GNB5: variants seen among roughly 807,000 people sequenced by gnomAD.
GNB5 encodes G protein subunit beta 5, also known as guanine nucleotide-binding protein subunit beta-5.
In GNB5, 37 loss-of-function variants were observed where a neutral mutation model predicts 55.3. The observed-to-expected ratio is 0.67, with a 90% CI of 0.51 to 0.88. The LOEUF (loss-of-function observed/expected upper bound fraction) is 0.88. Among genes scored for constraint, GNB5 ranks in the 40% least tolerant of loss-of-function variants. The pLI, the probability that GNB5 is intolerant of heterozygous loss-of-function variation, is 0.00. For missense variants in GNB5, 476 were observed against 515.3 expected, an observed-to-expected ratio of 0.92 and a Z score of 0.74; for synonymous variants, 219 against 198.5, an observed-to-expected ratio of 1.10 and a Z score of -0.87.
At chr15:52,179,734 G>A (rs747572634) in intron 3 of GNB5, 34 bp downstream of exon 3, 1 of 1,112,390 alleles carries the variant, frequency 9.0e-7, no homozygotes, top group Non-Finnish European at 1.2e-6. Context: ...GAGCCGGTCC[G>A]GCTTGCCCCG....
intron 3 of GNB5, among the ~76,000 whole-genome samples, chr15:52,164,084 A>C (rs1452147649): frequency 1.3e-5 from 2 of 152,082 alleles, no homozygotes; most frequent in Admixed American, 1.3e-4. Flanking sequence ...CAAGAGGATC[A>C]CGAGGTCAGG....
chr15:52,171,883 T>C (rs898668779), intron 3 of GNB5, among the ~76,000 whole-genome samples: 6 of 152,210 alleles, frequency 3.9e-5, no homozygotes, highest in African/African-American at 1.4e-4. Context: ...TTCTATCAAA[T>C]TTAGTCTAGA....
At chr15:52,184,247 T>C (rs2034813633) in intron 2 of GNB5, among the ~76,000 whole-genome samples, 1 of 152,224 alleles carries the variant, frequency 6.6e-6, no homozygotes, top group African/African-American at 2.4e-5. Context: ...CATTTGATCA[T>C]CATAAAACTC....
Position 52,154,069 on chromosome 15 carries a change from C to G in GNB5, c.246G>C (p.Gln82His). 1 of 1,613,878 alleles carries G rather than the reference C, an allele frequency of 6.2e-7. No individual in the cohort carries two copies. Among genetic ancestry groups the G allele is most frequent in the Non-Finnish European group, 8.5e-7 (1 of 1,179,868 alleles). ...CCAGGGCCTCCACCCGCTCCGCCACCTGGTGCACTGGAATGACAAGGCCAT... is the reference window on the plus strand; with the variant it reads ...CCAGGGCCTCCACCCGCTCCGCCACGTGGTGCACTGGAATGACAAGGCCAT... ...RAKLHDVELH[Q>H]VAERVEALGQ... Residue 82 changes from glutamine (Q) to histidine (H), a missense_variant, in exon 4 of 13, where the codon CAG becomes CAC. Physicochemically the swap from Gln to His is conservative, Grantham distance 24. Transcript: ENST00000261837.
intron 3 of GNB5, among the ~76,000 whole-genome samples, chr15:52,157,466 G>A (rs1006692210): frequency 2.7e-5 from 4 of 150,820 alleles, no homozygotes; most frequent in Admixed American, 6.6e-5. Context: ...GGATGGTCTC[G>A]ATCATCTGAC....
chr15:52,165,972 G>T (rs573196299), intron 3 of GNB5, among the ~76,000 whole-genome samples: 1 of 152,196 alleles, frequency 6.6e-6, no homozygotes, highest in African/African-American at 2.4e-5. Context: ...ACACACATAG[G>T]CTAAAAATAA....
intron 1 of GNB5, among the ~76,000 whole-genome samples, chr15:52,186,963 C>T (rs2034854605): frequency 1.3e-5 from 2 of 152,158 alleles, no homozygotes; most frequent in African/African-American, 2.4e-5. Context: ...ACAGAGTGCC[C>T]AGCCCTCGCC....
At chr15:52,132,169 T>A (rs57669647) in intron 9 of GNB5, among the ~76,000 whole-genome samples, 77,823 of 151,464 alleles carry the variant, frequency 0.51, 23,575 homozygotes, top group East Asian at 0.86. Context: ...GGCTCAAGTA[T>A]GCACAAACAG....
chr15:52,125,042 C>T (rs185571683), intron 11 of GNB5: 13 of 160,094 alleles, frequency 8.1e-5, no homozygotes, highest in Admixed American at 4.2e-4. Context: ...AGGGTTGAAT[C>T]GGAGTCTGTC....
At chr15:52,173,327 T>G (rs2034588418) in intron 3 of GNB5, among the ~76,000 whole-genome samples, 2 of 152,200 alleles carry the variant, frequency 1.3e-5, no homozygotes, top group Admixed American at 1.3e-4. Flanking sequence ...CACCTGCCTC[T>G]GCCTCCCAAA....
chr15:52,128,138 A>G (rs1348383481), intron 10 of GNB5, 58 bp downstream of exon 10: 1 of 1,087,220 alleles, frequency 9.2e-7, no homozygotes, highest in Non-Finnish European at 1.4e-6. Context: ...TTTTCTTAAA[A>G]TAAGTTAGCA....
Position 52,125,576 on chromosome 15 carries a change from C to T in GNB5, c.1009+372G>A, listed in dbSNP as rs141881783. 4.8e-3 allele frequency: 793 copies of T among 164,962 alleles called. 21 individuals are homozygous for T. The highest frequency in any genetic ancestry group is 0.025 in the East Asian group (148 of 5,864). The allele number at this position is 164,962 out of a possible 1,614,324, so 10.2% of individuals were successfully genotyped here. ...GATTACAGGCGTGAGCCACAGTATC[C>T]CACCAAGAAGGGACTCTTGCTTCAC... On this transcript the variant is annotated intron_variant, in intron 11 of 12. Coordinates refer to ENST00000261837, the MANE Select transcript of GNB5 (RefSeq NM_016194.4).
intron 3 of GNB5, among the ~76,000 whole-genome samples, chr15:52,173,658 T>A (rs1566948631): frequency 6.6e-6 from 1 of 152,198 alleles, no homozygotes; most frequent in African/African-American, 2.4e-5. Context: ...AATCTCAACT[T>A]TCTAAGAGAA....
rs143459740 is a variant in GNB5, at chr15:52,123,676, G to A, written c.1176+797C>T. ...TCCAGCCTCAGCCTCCCGAGTAGCC[G>A]GGACTACAGGTGCATGCCACCACGC... On this transcript the variant is annotated intron_variant, in intron 12 of 12. Coordinates refer to ENST00000261837, the MANE Select transcript of GNB5 (RefSeq NM_016194.4). 5.1e-3 allele frequency: 778 copies of A among 152,198 alleles called. 17 individuals carry two copies. The highest frequency in any genetic ancestry group is 0.025 in the East Asian group (129 of 5,172). 9.4% of individuals were successfully genotyped at this position (152,198 alleles called of 1,614,324 possible).
intron 3 of GNB5, among the ~76,000 whole-genome samples, chr15:52,165,126 A>G (rs1384367254): frequency 6.6e-6 from 1 of 152,216 alleles, no homozygotes; most frequent in Non-Finnish European, 1.5e-5. Context: ...CTTGAAGACT[A>G]TCTTTCTAAA....
intron 1 of GNB5, among the ~76,000 whole-genome samples, chr15:52,185,752 TTTTATTATTATTATTA>T (rs2034835334): frequency 3.2e-5 from 3 of 94,424 alleles, no homozygotes; most frequent in South Asian, 7.2e-4. Flanking sequence ...GTATTCATCT[TTTTATTATTATTATTA>T]TTATTATTAT....
intron 1 of GNB5, among the ~76,000 whole-genome samples, chr15:52,185,792 A>ATTATTATTATTT (rs1195279102): frequency 1.4e-5 from 2 of 143,312 alleles, no homozygotes; most frequent in East Asian, 4.0e-4. Context: ...TATTATTATT[A>ATTATTATTATTT]TTATTTGGGA....
In GNB5 at chr15:52,117,102, A is replaced by ATTTTTTTTTTTTTTTTTTTTTTTTTT. The variant is rs977627428; in HGVS notation, c.*5654_*5655insAAAAAAAAAAAAAAAAAAAAAAAAAA. On this transcript the variant is annotated 3_prime_UTR_variant, in exon 13 of 13. Coordinates refer to ENST00000261837, the MANE Select transcript of GNB5 (RefSeq NM_016194.4). ...CCACGCCCAGCTAATATATATATAT[A>ATTTTTTTTTTTTTTTTTTTTTTTTTT]TTTTTTTTTAGTACAGACAGGGTTT... The ATTTTTTTTTTTTTTTTTTTTTTTTTT allele has an allele frequency of 2.3e-5, 2 of 87,100 alleles. No homozygotes were observed. The highest frequency in any genetic ancestry group is 4.3e-5 in the Non-Finnish European group (2 of 46,196). 5.4% of individuals were successfully genotyped at this position (87,100 alleles called of 1,614,324 possible). A position where few individuals can be genotyped will look rare whatever the true frequency, so the allele number is the denominator to read the frequency against.
rs1448642575 is a variant in GNB5 at position 52,184,697 on chromosome 15, G to GA, written c.-18-4dup. 3.8e-6 allele frequency: 6 copies of GA among 1,598,214 alleles called. No individual in the cohort carries two copies. The highest frequency in any genetic ancestry group is 1.7e-5 in the Admixed American group (1 of 57,294). On this transcript the variant is annotated splice_polypyrimidine_tract_variant and splice_region_variant and intron_variant, in intron 1 of 12. Transcript: ENST00000261837. ...CACATCTTTTACCCAAGATAAAGCT[G>GA]AAAAAAAGTGAAAAGAAGGGAGGGG... is the stretch of plus-strand genomic sequence containing the variant.
Sources: gnomAD v4.1 joint callset for allele counts (sites outside exome capture counted in the v4.1 genomes callset) on GRCh38, gnomAD v4.1.1 for gene constraint, MANE v1.5 for transcripts, NCBI Gene and HGNC (gene_info 2026-07-23, HGNC 2026-07-21) for gene names.